The following TMEM276 variants were observed in gnomAD, a reference collection of about 807,000 sequenced individuals.
TMEM276 encodes transmembrane protein 276.
At chr8:144,464,985 C>T in the TMEM276 span, 2 of 1,560,722 alleles carry the variant, frequency 1.3e-6, no homozygotes, top group African/African-American at 1.3e-5. Flanking sequence ...AGCCAGCGAC[C>T]TGGAGCCCTA....
At chr8:144,466,872 G>A in the TMEM276 span, 28 of 1,536,584 alleles carry the variant, frequency 1.8e-5, no homozygotes, top group Admixed American at 3.9e-5. Flanking sequence ...CGGTGCGAGG[G>A]CGGTGCCGGG....
At chr8:144,464,849 A>C in the TMEM276 span, 1 of 1,612,900 alleles carries the variant, frequency 6.2e-7, no homozygotes, top group Non-Finnish European at 8.5e-7. Context: ...CACCACTCCC[A>C]GCACCAGATG....
the TMEM276 span, chr8:144,464,942 G>C: frequency 1.3e-5 from 21 of 1,602,522 alleles, no homozygotes; most frequent in Non-Finnish European, 1.6e-5. Flanking sequence ...ACAGATAGGA[G>C]ATACTCAACT....
the TMEM276 span, chr8:144,465,612 G>A: frequency 6.5e-6 from 1 of 153,670 alleles, no homozygotes; most frequent in South Asian, 1.9e-4. Context: ...GGGTGGGGTC[G>A]GGAGGAGCTC....
the TMEM276 span, chr8:144,465,226 C>G: frequency 8.4e-7 from 1 of 1,188,422 alleles, no homozygotes; most frequent in Non-Finnish European, 1.1e-6. Context: ...GAGAGAGCGG[C>G]GAGGCGCTGC....
the TMEM276 span, chr8:144,464,284 C>G: frequency 0.023 from 36,574 of 1,613,290 alleles, 497 homozygotes; most frequent in Non-Finnish European, 0.027. Context: ...CGCCCCCCCC[C>G]ACATCCCATA....
the TMEM276 span, chr8:144,464,859 G>A: frequency 6.2e-7 from 1 of 1,612,818 alleles, no homozygotes; most frequent in Non-Finnish European, 8.5e-7. Flanking sequence ...AGCACCAGAT[G>A]GGACAGGGCT....
At chr8:144,465,542 G>A in the TMEM276 span, 3 of 526,298 alleles carry the variant, frequency 5.7e-6, no homozygotes, top group South Asian at 7.7e-5. Flanking sequence ...GGGGGGGGAG[G>A]GTCGAGGCCT....
chr8:144,466,301 C>T, the TMEM276 span: 4 of 246,220 alleles, frequency 1.6e-5, no homozygotes, highest in African/African-American at 2.3e-5. Context: ...CCGTGGGAGC[C>T]GGGCCGTGGG....
At chr8:144,464,202 G>C in the TMEM276 span, 5 of 1,613,060 alleles carry the variant, frequency 3.1e-6, no homozygotes, top group Non-Finnish European at 4.2e-6. Flanking sequence ...CCCAGCGACA[G>C]ACATCCTCCT....
At chr8:144,466,567 C>A in the TMEM276 span, 1 of 1,025,376 alleles carries the variant, frequency 9.8e-7, no homozygotes, top group South Asian at 4.1e-5. Flanking sequence ...GCCTGCCCCA[C>A]CCCCACGCCG....
At chr8:144,464,498 C>G in the TMEM276 span, 1 of 1,612,196 alleles carries the variant, frequency 6.2e-7, no homozygotes, top group African/African-American at 1.3e-5. Flanking sequence ...AGGCCGATGA[C>G]GGTGGCCACC....
chr8:144,464,362 G>C, the TMEM276 span: 1 of 1,611,232 alleles, frequency 6.2e-7, no homozygotes. Flanking sequence ...TGCCTGACCA[G>C]CCACAGAGCG....
chr8:144,464,688 G>A, the TMEM276 span: 1 of 1,573,142 alleles, frequency 6.4e-7, no homozygotes, highest in Non-Finnish European at 8.6e-7. Context: ...AGGGTTTGGG[G>A]CTTCCATGGA....
the TMEM276 span, chr8:144,466,477 G>C: frequency 2.2e-6 from 3 of 1,342,868 alleles, no homozygotes; most frequent in Non-Finnish European, 2.9e-6. Flanking sequence ...CCGCAGGGAT[G>C]GTGGCGCCGC....
chr8:144,465,409 C>T, the TMEM276 span: 8 of 1,014,706 alleles, frequency 7.9e-6, no homozygotes, highest in Non-Finnish European at 9.4e-6. Context: ...GCGCAACGCA[C>T]CGCCCACCGC....
the TMEM276 span, chr8:144,466,378 C>T: frequency 2.3e-6 from 2 of 877,184 alleles, no homozygotes; most frequent in Non-Finnish European, 2.9e-6. Context: ...CGCGGGGACG[C>T]GGGGCGGCGC....
chr8:144,466,860 C>A, the TMEM276 span: 7 of 1,536,722 alleles, frequency 4.6e-6, no homozygotes, highest in East Asian at 2.4e-5. Context: ...CTGGGAGTCC[C>A]GCGGTGCGAG....
chr8:144,466,631 GGACCCTCGGCTCGGCCCC>G, the TMEM276 span: 1 of 915,744 alleles, frequency 1.1e-6, no homozygotes, highest in Non-Finnish European at 1.5e-6. Flanking sequence ...GCCGTGCCGA[GGACCCTCGGCTCGGCCCC>G]GATGCTGGAA....
Sources: allele counts gnomAD v4.1 joint callset, GRCh38; gene constraint gnomAD v4.1.1; transcripts MANE v1.5; gene names NCBI Gene and HGNC (gene_info 2026-07-23, HGNC 2026-07-21).